TAOK3: variants seen among roughly 807,000 people sequenced by gnomAD.
The protein encoded by TAOK3 is serine/threonine-protein kinase TAO3.
Under a neutral mutation model 120.4 loss-of-function variants are expected in TAOK3, and 40 were observed. The observed-to-expected ratio is 0.33, with a 90% CI of 0.26 to 0.43. The LOEUF (loss-of-function observed/expected upper bound fraction) is 0.43, where lower values mean the gene tolerates loss of function less well. Among genes scored for constraint, TAOK3 ranks in the 20% least tolerant of loss-of-function variants. TAOK3 has a pLI of 1.00. For missense variants in TAOK3, 821 were observed against 1,112.1 expected (o/e 0.74, Z 3.72); for synonymous variants, 355 against 387.5 (o/e 0.92, Z 0.99).
intron 1 of TAOK3, among the ~76,000 whole-genome samples, chr12:118,336,930 C>T (rs1314675860): frequency 6.6e-6 from 1 of 152,006 alleles, no homozygotes; most frequent in African/African-American, 2.4e-5. Flanking sequence ...AAATTAGCTG[C>T]CCACCTGTAA....
chr12:118,333,178 A>C (rs1012230063), intron 1 of TAOK3, among the ~76,000 whole-genome samples: 6 of 152,230 alleles, frequency 3.9e-5, no homozygotes, highest in Non-Finnish European at 8.8e-5. Context: ...CAACAGTAGA[A>C]TATACATTCT....
chr12:118,230,705 G>A (rs926071895), intron 9 of TAOK3, among the ~76,000 whole-genome samples: 3 of 151,814 alleles, frequency 2.0e-5, no homozygotes, highest in Non-Finnish European at 4.4e-5. Context: ...TCCTGACCTC[G>A]TGATCCGCCC....
intron 11 of TAOK3, among the ~76,000 whole-genome samples, chr12:118,202,327 G>A (rs1281262930): frequency 6.6e-6 from 1 of 151,970 alleles, no homozygotes; most frequent in African/African-American, 2.4e-5. Context: ...TGATGAACAT[G>A]GGGGCACAGG....
intron 17 of TAOK3, among the ~76,000 whole-genome samples, chr12:118,168,538 T>C (rs1481796490): frequency 2.6e-5 from 4 of 152,252 alleles, no homozygotes; most frequent in Non-Finnish European, 4.4e-5. Context: ...CTTAGCTTTA[T>C]GTGTTTCTGT....
intron 9 of TAOK3, among the ~76,000 whole-genome samples, chr12:118,230,474 T>TG (rs1937495654): frequency 1.5e-5 from 2 of 129,192 alleles, no homozygotes; most frequent in South Asian, 5.7e-4. Context: ...TTTTTTTTTT[T>TG]TTTTTTTTTT....
intron 17 of TAOK3, 43 bp from the exon 18 acceptor site, chr12:118,162,070 G>A: frequency 6.2e-7 from 1 of 1,601,104 alleles, no homozygotes; most frequent in African/African-American, 1.3e-5. Context: ...GGTGAATGGA[G>A]ATGAACTGGA....
chr12:118,222,607 A>G (rs1369871924), intron 9 of TAOK3, among the ~76,000 whole-genome samples: 1 of 152,174 alleles, frequency 6.6e-6, no homozygotes. Context: ...AAAGTAATGA[A>G]ATAATGTCTT....
At chr12:118,285,285 T>C (rs1301061608) in intron 1 of TAOK3, among the ~76,000 whole-genome samples, 1 of 152,034 alleles carries the variant, frequency 6.6e-6, no homozygotes, top group Non-Finnish European at 1.5e-5. Flanking sequence ...TCAAGTGGTC[T>C]GCCCGCATCA....
chr12:118,214,746 CT>C (rs138948268), intron 9 of TAOK3, among the ~76,000 whole-genome samples: 275 of 133,766 alleles, frequency 2.1e-3, no homozygotes, highest in African/African-American at 4.3e-3. Context: ...TTCTTTCTTT[CT>C]TTTTTTTTTT....
rs113593886 is a variant in TAOK3 at position 118,189,535 on chromosome 12, G to C, written c.1329+272C>G. ...GCATATACAAACACACACAGACACA[G>C]ACACACACACACACACACACACACA... On this transcript the variant is annotated intron_variant, in intron 14 of 20. Transcript: ENST00000392533. 6.1e-3 allele frequency among the ~76,000 whole-genome samples: 804 copies of C among 132,246 alleles called. 4 individuals are homozygous for C. The highest frequency in any genetic ancestry group is 0.012 in the Middle Eastern group (3 of 260). 86.8% of individuals were successfully genotyped at this position (132,246 alleles called of 152,430 possible). A position where few individuals can be genotyped will look rare whatever the true frequency, so the allele number is the denominator to read the frequency against.
intron 9 of TAOK3, among the ~76,000 whole-genome samples, chr12:118,219,420 T>A (rs2139610119): frequency 6.6e-6 from 1 of 152,236 alleles, no homozygotes; most frequent in East Asian, 1.9e-4. Flanking sequence ...CCTTTCAGGT[T>A]TCATCTCAAA....
intron 9 of TAOK3, among the ~76,000 whole-genome samples, chr12:118,233,187 G>A (rs957264474): frequency 6.8e-6 from 1 of 146,314 alleles, no homozygotes; most frequent in Non-Finnish European, 1.5e-5. Flanking sequence ...TCACTCATAG[G>A]TGGGAATTGA....
At chr12:118,240,426 G>A (rs957316495) in intron 5 of TAOK3, among the ~76,000 whole-genome samples, 3 of 151,886 alleles carry the variant, frequency 2.0e-5, no homozygotes, top group Non-Finnish European at 4.4e-5. Flanking sequence ...TGATCTGCCC[G>A]CCTCAGCCTC....
At chr12:118,363,181 A>G (rs2045652715) in intron 1 of TAOK3, among the ~76,000 whole-genome samples, 2 of 152,156 alleles carry the variant, frequency 1.3e-5, no homozygotes, top group Non-Finnish European at 2.9e-5. Flanking sequence ...TTAAAAACGA[A>G]CATACAAGTA....
intron 9 of TAOK3, among the ~76,000 whole-genome samples, chr12:118,230,954 T>C (rs1465721189): frequency 2.0e-5 from 3 of 152,024 alleles, no homozygotes; most frequent in Non-Finnish European, 2.9e-5. Flanking sequence ...TCAATATCCA[T>C]CAATACAAGA....
At chr12:118,289,537 T>A (rs1281525914) in intron 1 of TAOK3, among the ~76,000 whole-genome samples, 1 of 152,132 alleles carries the variant, frequency 6.6e-6, no homozygotes, top group African/African-American at 2.4e-5. Flanking sequence ...CTAAAATATG[T>A]TTCCAAAGAC....
chr12:118,281,322 C>T (rs746669433), intron 1 of TAOK3, among the ~76,000 whole-genome samples: 5 of 152,000 alleles, frequency 3.3e-5, no homozygotes, highest in South Asian at 2.1e-4. Flanking sequence ...GTTGTGGGTT[C>T]GTCATAGATG....
At chr12:118,274,596 G>C (rs142461210) in intron 1 of TAOK3, among the ~76,000 whole-genome samples, 1 of 152,092 alleles carries the variant, frequency 6.6e-6, no homozygotes, top group Non-Finnish European at 1.5e-5. Flanking sequence ...AGATGGGAAA[G>C]TAGAGGCCCC....
chr12:118,294,988 T>G (rs1189326627), intron 1 of TAOK3, among the ~76,000 whole-genome samples: 1 of 152,132 alleles, frequency 6.6e-6, no homozygotes, highest in Non-Finnish European at 1.5e-5. Context: ...CTGAGTTGTA[T>G]GCTAGATATA....
Sources: allele counts gnomAD v4.1 joint callset (sites outside exome capture counted in the v4.1 genomes callset), GRCh38; gene constraint gnomAD v4.1.1; transcripts MANE v1.5; gene names NCBI Gene and HGNC (gene_info 2026-07-23, HGNC 2026-07-21).